Variants in FSD2 observed in about 807,000 individuals in gnomAD.
FSD2 encodes fibronectin type III and SPRY domain containing 2.
In FSD2, 71 loss-of-function variants were observed where a neutral mutation model predicts 80.4. That is an observed-to-expected ratio of 0.88 (90% CI 0.73 to 1.08). FSD2 has a LOEUF of 1.08. Ranked by LOEUF, FSD2 falls within the 50% of genes least tolerant of loss-of-function variation. The probability of loss-of-function intolerance (pLI) is 0.00; values close to 1 mark genes in which losing one functional copy is unlikely to be tolerated. For missense variants in FSD2, 923 were observed against 913.8 expected, an observed-to-expected ratio of 1.01 and a Z score of -0.13; for synonymous variants, 361 against 329.5, an observed-to-expected ratio of 1.10 and a Z score of -1.03.
At chr15:82,767,465 G>T (rs1482713261) in intron 9 of FSD2, among the ~76,000 whole-genome samples, 1 of 152,212 alleles carries the variant, frequency 6.6e-6, no homozygotes, top group African/African-American at 2.4e-5. Context: ...AGCTGGAGAG[G>T]CAGGAAGGGG....
At chr15:82,771,921 T>G (rs1156823882) in intron 7 of FSD2, among the ~76,000 whole-genome samples, 152 bp downstream of exon 7, 1 of 152,222 alleles carries the variant, frequency 6.6e-6, no homozygotes, top group Non-Finnish European at 1.5e-5. Flanking sequence ...TTGCTAGCCC[T>G]TTCTGCCCTG....
rs750507544 is a variant in FSD2, at chr15:82,772,054, G to A, written c.1267+19C>T. ...GAACTGTTCCCATGAGCACGGGCATGTTCCTGGCAGAGCCTCACCTGCTTG... is the reference window on the plus strand; with the variant it reads ...GAACTGTTCCCATGAGCACGGGCATATTCCTGGCAGAGCCTCACCTGCTTG... On this transcript the variant is annotated intron_variant, in intron 7 of 12. Transcript: ENST00000334574. The A allele has an allele frequency of 1.6e-5, 24 of 1,536,774 alleles. No individual in the cohort carries two copies. Among genetic ancestry groups the A allele is most frequent in the East Asian group, 4.5e-5 (2 of 44,240 alleles).
intron 1 of FSD2, among the ~76,000 whole-genome samples, chr15:82,794,834 C>T (rs943083473): frequency 1.3e-5 from 2 of 151,726 alleles, no homozygotes; most frequent in East Asian, 3.9e-4. Context: ...ACGCCATTCT[C>T]CTGCCTCAGC....
chr15:82,805,140 ATTT>A (rs57346494), intron 1 of FSD2, among the ~76,000 whole-genome samples: 6 of 131,576 alleles, frequency 4.6e-5, no homozygotes, highest in Admixed American at 2.4e-4. Flanking sequence ...TCCCCCAATA[ATTT>A]TTTTTTTTTT....
intron 6 of FSD2, among the ~76,000 whole-genome samples, chr15:82,775,583 A>G (rs777390788): frequency 1.3e-5 from 2 of 152,118 alleles, no homozygotes; most frequent in Non-Finnish European, 2.9e-5. Flanking sequence ...AAAGCTTTCA[A>G]CTTTTCACCA....
rs1482813012 is a variant in FSD2 at position 82,758,252 on chromosome 15, C to G, written c.*1096G>C. The G allele has an allele frequency of 1.3e-5, 2 of 152,168 alleles. No individual in the cohort carries two copies. The highest frequency in any genetic ancestry group is 2.9e-5 in the Non-Finnish European group (2 of 68,054). The allele number at this position is 152,168 out of a possible 1,614,324, so 9.4% of individuals were successfully genotyped here. On this transcript the variant is annotated 3_prime_UTR_variant, in exon 13 of 13. Transcript: ENST00000334574. ...CAAATGGAATTATTCTGCAGCTTCA[C>G]TCACAAGCTTTGAAAATGCTGTGTG...
chr15:82,770,415 T>C (rs954701028), intron 7 of FSD2, among the ~76,000 whole-genome samples: 2 of 152,232 alleles, frequency 1.3e-5, no homozygotes, highest in African/African-American at 2.4e-5. Flanking sequence ...CTCATGCCTA[T>C]AGTCCCAGCA....
chr15:82,765,515 G>A (rs545483227), intron 10 of FSD2, among the ~76,000 whole-genome samples: 1 of 152,250 alleles, frequency 6.6e-6, no homozygotes, highest in East Asian at 1.9e-4. Flanking sequence ...AGAAACAGGT[G>A]TCACTATTTC....
At position 82,756,293 on chromosome 15, in the gene FSD2, A is replaced by C; in HGVS notation, c.*3055T>G. 1 of 185,738 alleles carries C rather than the reference A, an allele frequency of 5.4e-6. No homozygotes were observed. The highest frequency in any genetic ancestry group is 1.0e-4 in the South Asian group (1 of 9,844). 11.5% of individuals were successfully genotyped at this position (185,738 alleles called of 1,614,324 possible). On this transcript the variant is annotated 3_prime_UTR_variant, in exon 13 of 13. Transcript: ENST00000334574. ...CTTGCATCAAGACCAATGTAGTCTT[A>C]TTTACAGAATGCCACATCACAGTGA... is the stretch of plus-strand genomic sequence containing the variant.
chr15:82,762,972 A>G lies in FSD2; in HGVS notation c.1821-694T>C, dbSNP rs372263129. Among the ~76,000 whole-genome samples the G allele has an allele frequency of 1.8e-4, 28 of 152,316 alleles. No individual in the cohort carries two copies. In the South Asian group the frequency reaches 5.8e-3, roughly 32 times the overall value. ...AACCAAAATATATATAGACCTCAAC[A>G]TCCCTAGAAAGATTTGTTCAGTTTA... On this transcript the variant is annotated intron_variant, in intron 11 of 12. Transcript: ENST00000334574.
Position 82,757,762 on chromosome 15 carries a change from A to G in FSD2, c.*1586T>C, listed in dbSNP as rs2049205446. 6.6e-6 allele frequency: 1 copy of G among 152,248 alleles called. No homozygotes were observed. The highest frequency in any genetic ancestry group is 2.4e-5 in the African/African-American group (1 of 41,464). The allele number at this position is 152,248 out of a possible 1,614,324, so 9.4% of individuals were successfully genotyped here. A position where few individuals can be genotyped will look rare whatever the true frequency, so the allele number is the denominator to read the frequency against. On this transcript the variant is annotated 3_prime_UTR_variant, in exon 13 of 13. Transcript: ENST00000334574. ...CTTGGCAGGATAGGTGTGTGTGTGT[A>G]TAACGAGTTATTAAATTGTCAGTGT...
intron 1 of FSD2, among the ~76,000 whole-genome samples, chr15:82,794,635 T>A (rs2050218976): frequency 6.6e-6 from 1 of 152,242 alleles, no homozygotes; most frequent in South Asian, 2.1e-4. Context: ...CCTTCATTTA[T>A]GTCAGTTTTT....
intron 12 of FSD2, among the ~76,000 whole-genome samples, chr15:82,761,119 C>G (rs993379689): frequency 6.6e-6 from 1 of 152,118 alleles, no homozygotes; most frequent in African/African-American, 2.4e-5. Flanking sequence ...CCCACTTATG[C>G]TTGGGCATGA....
chr15:82,767,904 C>T (rs1240423043), intron 9 of FSD2, among the ~76,000 whole-genome samples: 1 of 152,232 alleles, frequency 6.6e-6, no homozygotes, highest in African/African-American at 2.4e-5. Flanking sequence ...CAGTGCACCC[C>T]TGTGTTCCAC....
rs1596219113 is a variant in FSD2 at position 82,755,842 on chromosome 15, A to G, written c.*3506T>C. Reference sequence around the variant, plus strand: ...TGGTTACAGTGAAACAAGCATATGTACAGAGTTAATCTCCTATAGCTTGAA... The same window carrying G: ...TGGTTACAGTGAAACAAGCATATGTGCAGAGTTAATCTCCTATAGCTTGAA... On this transcript the variant is annotated 3_prime_UTR_variant, in exon 13 of 13. Transcript: ENST00000334574. 2.8e-6 allele frequency: 1 copy of G among 361,244 alleles called. No individual in the cohort carries two copies. Among genetic ancestry groups the G allele is most frequent in the East Asian group, 6.2e-5 (1 of 16,192 alleles). The allele number at this position is 361,244 out of a possible 1,614,324, so 22.4% of individuals were successfully genotyped here. A position where few individuals can be genotyped will look rare whatever the true frequency, so the allele number is the denominator to read the frequency against.
intron 1 of FSD2, among the ~76,000 whole-genome samples, chr15:82,801,906 C>G (rs1457921034): frequency 6.6e-6 from 1 of 152,184 alleles, no homozygotes. Context: ...AGGTCCACCC[C>G]TAGATGGAGA....
chr15:82,789,875 G>C (rs2050098044), intron 1 of FSD2, among the ~76,000 whole-genome samples: 1 of 152,106 alleles, frequency 6.6e-6, no homozygotes, highest in Non-Finnish European at 1.5e-5. Context: ...GGGCAACATA[G>C]CAAGACCCTG....
intron 8 of FSD2, 52 bp downstream of exon 8, chr15:82,769,698 C>T: frequency 6.4e-7 from 1 of 1,568,206 alleles, no homozygotes. Flanking sequence ...ACCCATGACT[C>T]CTGTGTCCGC....
intron 9 of FSD2, among the ~76,000 whole-genome samples, chr15:82,767,002 G>A (rs2049439120): frequency 6.6e-6 from 1 of 152,174 alleles, no homozygotes; most frequent in East Asian, 1.9e-4. Flanking sequence ...CCCAGATGAG[G>A]CCAAGTTGTC....
Sources: gnomAD v4.1 joint callset for allele counts (sites outside exome capture counted in the v4.1 genomes callset) on GRCh38, gnomAD v4.1.1 for gene constraint, MANE v1.5 for transcripts, NCBI Gene and HGNC (gene_info 2026-07-23, HGNC 2026-07-21) for gene names.